Variants in SYT16 observed in about 807,000 individuals in gnomAD.
The protein encoded by SYT16 is synaptotagmin 16.
A neutral mutation model predicts 61.4 loss-of-function variants in SYT16; 42 were observed. That is an observed-to-expected ratio of 0.68 (90% CI 0.53 to 0.89). SYT16 has a LOEUF of 0.89. SYT16 is among the 40% of genes least tolerant of loss of function. SYT16 has a pLI of 0.00. For synonymous variants in SYT16, 314 were observed against 302.3 expected (o/e 1.04, Z -0.40); for missense variants, 804 against 807.3 (o/e 1.00, Z 0.05).
chr14:62,025,035 C>T (rs7140982), intron 3 of SYT16, among the ~76,000 whole-genome samples: 65,805 of 151,870 alleles, frequency 0.43, 14,591 homozygotes, highest in East Asian at 0.67. Context: ...CATTCACCTA[C>T]TGAAGGACAT....
chr14:62,087,154 T>C (rs145672700), intron 7 of SYT16, among the ~76,000 whole-genome samples: 11 of 152,334 alleles, frequency 7.2e-5, no homozygotes, highest in African/African-American at 1.2e-4. Context: ...AGTTCCCATA[T>C]GGAAGAGAAC....
intron 3 of SYT16, among the ~76,000 whole-genome samples, chr14:62,039,895 T>A (rs1427253518): frequency 2.7e-5 from 4 of 147,646 alleles, no homozygotes; most frequent in African/African-American, 9.9e-5. Context: ...ACACACTAGA[T>A]TTTACTGACT....
intron 3 of SYT16, among the ~76,000 whole-genome samples, chr14:62,052,696 T>C (rs1381968458): frequency 6.6e-6 from 1 of 152,214 alleles, no homozygotes; most frequent in Non-Finnish European, 1.5e-5. Context: ...AATTAGGTCA[T>C]GGAGGTGGAG....
intron 1 of SYT16, among the ~76,000 whole-genome samples, chr14:61,958,314 A>G (rs886235797): frequency 1.3e-5 from 2 of 150,664 alleles, no homozygotes; most frequent in African/African-American, 4.9e-5. Flanking sequence ...CCTTCTGCTA[A>G]TTTTTTGTTT....
chr14:61,851,698 G>T (rs924818838), intron 1 of SYT16, among the ~76,000 whole-genome samples: 2 of 152,164 alleles, frequency 1.3e-5, no homozygotes, highest in African/African-American at 4.8e-5. Flanking sequence ...TTGGTTGCAT[G>T]TATGTCTTCT....
chr14:61,955,873 T>C (rs529397985), intron 1 of SYT16, among the ~76,000 whole-genome samples: 2 of 152,220 alleles, frequency 1.3e-5, no homozygotes, highest in East Asian at 3.9e-4. Context: ...CATCTTGGTT[T>C]TCATAGTGTC....
chr14:62,057,300 C>T (rs1291583545), intron 3 of SYT16, among the ~76,000 whole-genome samples: 1 of 152,144 alleles, frequency 6.6e-6, no homozygotes, highest in African/African-American at 2.4e-5. Flanking sequence ...AACACTTTTT[C>T]TCATAGGCAT....
chr14:61,946,909 G>T (rs2050461212), intron 1 of SYT16, among the ~76,000 whole-genome samples: 1 of 152,140 alleles, frequency 6.6e-6, no homozygotes, highest in Non-Finnish European at 1.5e-5. Flanking sequence ...TCTTTGTGAG[G>T]AAGAATGTCT....
intron 3 of SYT16, among the ~76,000 whole-genome samples, chr14:62,059,798 ACACT>A (rs1447809760): frequency 1.4e-5 from 2 of 147,362 alleles, no homozygotes; most frequent in Admixed American, 6.7e-5. Context: ...ACACACACAC[ACACT>A]CAATGTGAGA....
At chr14:61,838,039 G>T (rs1193993650) in intron 1 of SYT16, among the ~76,000 whole-genome samples, 1 of 152,228 alleles carries the variant, frequency 6.6e-6, no homozygotes, top group African/African-American at 2.4e-5. Flanking sequence ...GATAATGTGT[G>T]TTCAAAGCAA....
intron 3 of SYT16, among the ~76,000 whole-genome samples, chr14:62,042,277 A>G (rs140426956): frequency 2.6e-5 from 4 of 152,260 alleles, no homozygotes; most frequent in African/African-American, 9.6e-5. Context: ...TGCTAGGATT[A>G]TAGGTGTGAG....
chr14:61,873,716 C>T (rs1305318659), intron 1 of SYT16, among the ~76,000 whole-genome samples: 1 of 152,188 alleles, frequency 6.6e-6, no homozygotes, highest in African/African-American at 2.4e-5. Flanking sequence ...AATTAATGAA[C>T]CATTTCCTAT....
intron 3 of SYT16, among the ~76,000 whole-genome samples, chr14:61,997,262 G>A (rs184718028): frequency 1.6e-4 from 24 of 152,140 alleles, no homozygotes; most frequent in Non-Finnish European, 2.8e-4. Flanking sequence ...CATTCCACCT[G>A]GTTAAGGGAC....
chr14:61,939,282 G>T (rs1472238374), intron 1 of SYT16, among the ~76,000 whole-genome samples: 10 of 152,164 alleles, frequency 6.6e-5, no homozygotes, highest in African/African-American at 2.2e-4. Context: ...GCACTAACTG[G>T]CAGTCTGTTT....
chr14:62,071,968 C>G (rs543118799), intron 4 of SYT16, among the ~76,000 whole-genome samples: 14 of 152,242 alleles, frequency 9.2e-5, no homozygotes, highest in African/African-American at 3.4e-4. Flanking sequence ...GGCAAGTTCT[C>G]TTTTGTCCTG....
chr14:62,003,206 A>G (rs992034882), intron 3 of SYT16, among the ~76,000 whole-genome samples: 1 of 151,894 alleles, frequency 6.6e-6, no homozygotes, highest in African/African-American at 2.4e-5. Context: ...GGGGCTTCTT[A>G]TTTTGCCTGT....
intron 1 of SYT16, among the ~76,000 whole-genome samples, chr14:61,919,933 T>C (rs1175159781): frequency 6.6e-6 from 1 of 152,280 alleles, no homozygotes; most frequent in Non-Finnish European, 1.5e-5. Flanking sequence ...TTTAGTCATC[T>C]CAAATCCTTG....
In SYT16 at chr14:62,075,318, T is replaced by C. The variant is rs879119840; in HGVS notation, c.920T>C (p.Met307Thr). The C allele has an allele frequency of 1.2e-6, 2 of 1,613,862 alleles. No homozygotes were observed. Among genetic ancestry groups the C allele is most frequent in the South Asian group, 2.2e-5 (2 of 91,070 alleles). The change falls in exon 5 of 8, where the codon ATG becomes ACG. Residue 307 changes from methionine to threonine, a missense_variant. Physicochemically the swap from Met to Thr is moderately conservative, Grantham distance 81. Transcript: ENST00000683842. ...RRQSTEGSLE[M>T]ETAFNSRGFE... ...CAATCCACAGAGGGCAGCTTGGAGA[T>C]GGAGACAGCTTTTAATAGCCGGGGA...
At chr14:62,094,496 G>A (rs1295535727) in intron 7 of SYT16, among the ~76,000 whole-genome samples, 1 of 151,974 alleles carries the variant, frequency 6.6e-6, no homozygotes, top group East Asian at 1.9e-4. Context: ...GTTATAGCAG[G>A]TGGAAGTGTT....
Sources: gnomAD v4.1 joint callset for allele counts (sites outside exome capture counted in the v4.1 genomes callset) on GRCh38, gnomAD v4.1.1 for gene constraint, MANE v1.5 for transcripts, NCBI Gene and HGNC (gene_info 2026-07-23, HGNC 2026-07-21) for gene names.